The following MTSS1 variants were observed in gnomAD, a reference collection of about 807,000 sequenced individuals.
The protein encoded by MTSS1 is protein MTSS 1.
MTSS1 carries 18 observed loss-of-function variants against 79.0 expected under a neutral mutation model. That is an observed-to-expected ratio of 0.23 (90% CI 0.16 to 0.34). MTSS1 has a LOEUF of 0.34. MTSS1 is among the 10% of genes least tolerant of loss of function. The pLI, the probability that MTSS1 is intolerant of heterozygous loss-of-function variation, is 1.00. For missense variants in MTSS1, 815 were observed against 986.2 expected (o/e 0.83, Z 2.33); for synonymous variants, 341 against 368.6 (o/e 0.93, Z 0.86).
chr8:124,568,058 G>C (rs2132085524), intron 7 of MTSS1: 2 of 981,298 alleles, frequency 2.0e-6, no homozygotes, highest in East Asian at 5.5e-5. Flanking sequence ...TGGTGGGTCT[G>C]GGTTGGGCCC....
intron 3 of MTSS1, among the ~76,000 whole-genome samples, chr8:124,660,432 G>GCACGCACA (rs1554703691): frequency 7.1e-6 from 1 of 140,706 alleles, no homozygotes; most frequent in Non-Finnish European, 1.6e-5. Context: ...CCATGCGCAT[G>GCACGCACA]CACACACACA....
At chr8:124,708,933 T>TG (rs1173451375) in intron 1 of MTSS1, among the ~76,000 whole-genome samples, 2 of 142,550 alleles carry the variant, frequency 1.4e-5, no homozygotes, top group African/African-American at 5.3e-5. Flanking sequence ...TGTTGAGAAA[T>TG]GAAAAAAAAA....
chr8:124,673,935 C>T (rs1194383123), intron 3 of MTSS1, among the ~76,000 whole-genome samples: 1 of 152,144 alleles, frequency 6.6e-6, no homozygotes, highest in African/African-American at 2.4e-5. Flanking sequence ...GCCCTTGCTC[C>T]AGACACAGGA....
intron 3 of MTSS1, among the ~76,000 whole-genome samples, chr8:124,602,207 A>ATACACACACATAT: frequency 7.0e-6 from 1 of 142,218 alleles, no homozygotes; most frequent in Non-Finnish European, 1.5e-5. Context: ...ATATATATAT[A>ATACACACACATAT]ATTTTTTTTT....
intron 6 of MTSS1, among the ~76,000 whole-genome samples, chr8:124,581,233 C>T (rs933325919): frequency 1.3e-5 from 2 of 149,776 alleles, no homozygotes; most frequent in African/African-American, 4.9e-5. Context: ...GCGGGAAGAT[C>T]CCTGAAGCCC....
At position 124,556,257 on chromosome 8, in the gene MTSS1, C is replaced by T. The variant is rs756281738; in HGVS notation, c.1379G>A (p.Ser460Asn). 3 of 1,614,128 alleles carry T rather than the reference C, an allele frequency of 1.9e-6. No individual in the cohort carries two copies. Among genetic ancestry groups the T allele is most frequent in the Non-Finnish European group, 2.5e-6 (3 of 1,180,050 alleles). The change falls in exon 12 of 14, where the codon AGC becomes AAC. Residue 460 changes from serine to asparagine, a missense_variant. Around this residue, in one of 2 missense-constraint regions of MTSS1, gnomAD observed 590 missense variants for 620.8 expected, o/e 0.95. Transcript: ENST00000518547. ...AAAEEAQRPRSMTVSAATRPG... is the reference protein window; with the variant it reads ...AAAEEAQRPRNMTVSAATRPG... Reference sequence around the variant, plus strand: ...CCTGGTGGCAGCCGATACAGTCATGCTCCGTGGTCTCTGAGCCTCCTCAGC... The same window carrying T: ...CCTGGTGGCAGCCGATACAGTCATGTTCCGTGGTCTCTGAGCCTCCTCAGC...
At chr8:124,706,250 G>A (rs12677293) in intron 1 of MTSS1, among the ~76,000 whole-genome samples, 25,378 of 151,972 alleles carry the variant, frequency 0.17, 2,210 homozygotes, top group Admixed American at 0.23. Context: ...ATATTAATAC[G>A]GGTTACTTCT....
At chr8:124,619,930 T>G (rs1813139642) in intron 3 of MTSS1, among the ~76,000 whole-genome samples, 1 of 150,528 alleles carries the variant, frequency 6.6e-6, no homozygotes, top group African/African-American at 2.5e-5. Context: ...ACAGCACAAC[T>G]GTTTTTCTTT....
chr8:124,705,523 CA>C (rs1830270755), intron 1 of MTSS1, among the ~76,000 whole-genome samples: 1 of 151,996 alleles, frequency 6.6e-6, no homozygotes, highest in African/African-American at 2.4e-5. Context: ...TAAGACTAAA[CA>C]CCTGGGGATT....
chr8:124,566,670 T>C (rs879319724), intron 8 of MTSS1, among the ~76,000 whole-genome samples: 2 of 152,134 alleles, frequency 1.3e-5, no homozygotes, highest in Non-Finnish European at 2.9e-5. Context: ...GACGTGTTCT[T>C]AGGAGGGTTG....
intron 3 of MTSS1, chr8:124,698,215 C>T (rs1167488987): frequency 6.6e-6 from 1 of 152,108 alleles, no homozygotes; most frequent in African/African-American, 2.4e-5. Flanking sequence ...CTTTTAAGCA[C>T]CTGTGATGAA....
At chr8:124,558,851 C>A in intron 10 of MTSS1, 1 of 1,540,820 alleles carries the variant, frequency 6.5e-7, no homozygotes. Flanking sequence ...GGGGAGGGGC[C>A]ACACGAGGGG....
intron 2 of MTSS1, among the ~76,000 whole-genome samples, chr8:124,699,820 G>A (rs1829445721): frequency 1.3e-5 from 2 of 152,106 alleles, no homozygotes; most frequent in Admixed American, 6.5e-5. Flanking sequence ...AATGCTAGTA[G>A]CCCTTCCCAT....
chr8:124,670,230 T>G (rs1227192689), intron 3 of MTSS1, among the ~76,000 whole-genome samples: 1 of 152,140 alleles, frequency 6.6e-6, no homozygotes, highest in Non-Finnish European at 1.5e-5. Context: ...ATATTTGAGC[T>G]GAAACCACAC....
At chr8:124,716,103 C>T (rs1395179207) in intron 1 of MTSS1, among the ~76,000 whole-genome samples, 1 of 152,154 alleles carries the variant, frequency 6.6e-6, no homozygotes, top group East Asian at 1.9e-4. Context: ...CAGAAAGAGA[C>T]CAAAGCGTTG....
chr8:124,618,897 C>G (rs534809682), intron 3 of MTSS1, among the ~76,000 whole-genome samples: 8 of 152,354 alleles, frequency 5.3e-5, no homozygotes, highest in Non-Finnish European at 1.0e-4. Context: ...TCATTTTACA[C>G]TAACACAACA....
intron 5 of MTSS1, among the ~76,000 whole-genome samples, chr8:124,589,100 G>A (rs969674843): frequency 6.7e-6 from 1 of 149,792 alleles, no homozygotes; most frequent in African/African-American, 2.5e-5. Context: ...GTGCAATCTT[G>A]GCTCACTGCA....
In MTSS1 at chr8:124,727,691, C is replaced by T. The variant is rs533809793; in HGVS notation, c.72+193G>A. ...AGCAGACACCCCCCAGAGAAGCCAC[C>T]CGCCCAGTGACCCCGCAGAGCCCGG... On this transcript the variant is annotated intron_variant, in intron 1 of 13. Transcript: ENST00000518547. This position sits in a 1 kb window ranked among gnomAD's most constrained non-coding sequence, Gnocchi z 4.7. 9.7e-4 allele frequency: 652 copies of T among 672,770 alleles called. 13 individuals carry two copies. The highest frequency in any genetic ancestry group is 9.5e-3 in the South Asian group (623 of 65,496). The allele number at this position is 672,770 out of a possible 1,614,324, so 41.7% of individuals were successfully genotyped here. A position where few individuals can be genotyped will look rare whatever the true frequency, so the allele number is the denominator to read the frequency against.
chr8:124,649,960 C>G (rs1055561676), intron 3 of MTSS1, among the ~76,000 whole-genome samples: 1 of 151,840 alleles, frequency 6.6e-6, no homozygotes, highest in Non-Finnish European at 1.5e-5. Flanking sequence ...TTTTAACAGA[C>G]AGCAATTGGT....
Sources: allele counts gnomAD v4.1 joint callset (sites outside exome capture counted in the v4.1 genomes callset), GRCh38; gene constraint gnomAD v4.1.1; regional missense constraint gnomAD v4.1.1; non-coding constraint Gnocchi (gnomAD v3.1); transcripts MANE v1.5; gene names NCBI Gene and HGNC (gene_info 2026-07-23, HGNC 2026-07-21).